DAZAP1: variants seen among roughly 807,000 people sequenced by gnomAD.
DAZAP1 encodes DAZ-associated protein 1.
In DAZAP1, 6 loss-of-function variants were observed where a neutral mutation model predicts 60.1. The ratio of observed to expected loss-of-function variants is 0.10; its 90% confidence interval spans 0.05 to 0.20. The LOEUF (loss-of-function observed/expected upper bound fraction) is 0.20, where lower values mean the gene tolerates loss of function less well. Among genes scored for constraint, DAZAP1 ranks in the 10% least tolerant of loss-of-function variants. DAZAP1 has a pLI of 1.00. For synonymous variants in DAZAP1, 235 were observed against 215.9 expected, an observed-to-expected ratio of 1.09 and a Z score of -0.78; for missense variants, 366 against 560.4, an observed-to-expected ratio of 0.65 and a Z score of 3.50.
At chr19:1,431,053 T>G (rs886117605) in intron 10 of DAZAP1, among the ~76,000 whole-genome samples, 2 of 151,940 alleles carry the variant, frequency 1.3e-5, no homozygotes, top group African/African-American at 4.8e-5. Context: ...AATTTTCCTG[T>G]ACACGTCACT....
chr19:1,423,161 G>A lies in DAZAP1; in HGVS notation c.463+765G>A, dbSNP rs556868939. Among the ~76,000 whole-genome samples, 57 of 152,328 alleles carry A rather than the reference G, an allele frequency of 3.7e-4. No individual in the cohort carries two copies. Among genetic ancestry groups the A allele is most frequent in the African/African-American group, 1.2e-3 (50 of 41,586 alleles). ...CCCGCACCACCGGCCCAGGTCAGTC[G>A]GGGCAGCCCCGAGCGCCAGGTGGCG... On this transcript the variant is annotated intron_variant, in intron 6 of 11. Coordinates refer to ENST00000233078, the MANE Select transcript of DAZAP1 (RefSeq NM_018959.4). The surrounding 1 kb of genome is among the most constrained non-coding windows in gnomAD (Gnocchi z 6.8).
chr19:1,434,716 T>C lies in DAZAP1; in HGVS notation c.1049-21T>C, dbSNP rs2083551845. 6.2e-7 allele frequency: 1 copy of C among 1,608,812 alleles called. No homozygotes were observed. Among genetic ancestry groups the C allele is most frequent in the South Asian group, 1.1e-5 (1 of 90,854 alleles). On this transcript the variant is annotated intron_variant, in intron 11 of 11. Coordinates refer to ENST00000233078, the MANE Select transcript of DAZAP1 (RefSeq NM_018959.4). The surrounding 1 kb of genome is among the most constrained non-coding windows in gnomAD (Gnocchi z 8.0). Reference sequence around the variant, plus strand: ...CAACCGCCCAGGGACCGCCCCGAGCTCACAGGACTTTCTCCCCCAGCAGGT... The same window carrying C: ...CAACCGCCCAGGGACCGCCCCGAGCCCACAGGACTTTCTCCCCCAGCAGGT...
In DAZAP1 at chr19:1,430,255, C is replaced by T. The variant is rs1370012067; in HGVS notation, c.764C>T (p.Ala255Val). Residue 255 changes from alanine to valine, a missense_variant, in exon 10 of 12, where the codon GCC (alanine) becomes GTC (valine). This residue lies in a region of DAZAP1 where 240 missense variants were observed against 308.8 expected (regional missense o/e 0.78). Transcript: ENST00000233078. ...GYGPPPAGRGAPPPPPPFTSY... is the reference protein window; with the variant it reads ...GYGPPPAGRGVPPPPPPFTSY... ...GGACCGCCCCCTGCAGGAAGAGGAG[C>T]CCCCCCGCCACCCCCACCGTTCACC... 11 of 925,592 alleles carry T rather than the reference C, an allele frequency of 1.2e-5. No individual in the cohort carries two copies. Among genetic ancestry groups the T allele is most frequent in the African/African-American group, 1.7e-5 (1 of 59,454 alleles). The allele number at this position is 925,592 out of a possible 1,614,324, so 57.3% of individuals were successfully genotyped here. A position where few individuals can be genotyped will look rare whatever the true frequency, so the allele number is the denominator to read the frequency against.
chr19:1,429,675 C>T (rs2083393505), intron 8 of DAZAP1, among the ~76,000 whole-genome samples: 1 of 152,234 alleles, frequency 6.6e-6, no homozygotes, highest in African/African-American at 2.4e-5. Flanking sequence ...TCTCAGGTTT[C>T]TCTGGGGTCC....
intron 1 of DAZAP1, among the ~76,000 whole-genome samples, chr19:1,410,609 G>A (rs1050149476): frequency 2.6e-5 from 4 of 152,230 alleles, no homozygotes; most frequent in African/African-American, 9.6e-5. Flanking sequence ...CGCGGCCGGG[G>A]TCGCCACATC....
rs1026636813 is a variant in DAZAP1, at chr19:1,414,363, C to T, written c.30-3137C>T. Among the ~76,000 whole-genome samples, 10 of 152,142 alleles carry T rather than the reference C, an allele frequency of 6.6e-5. No individual in the cohort carries two copies. In the East Asian group the frequency reaches 1.9e-3, roughly 29 times the overall value. On this transcript the variant is annotated intron_variant, in intron 1 of 11. Coordinates refer to ENST00000233078, the MANE Select transcript of DAZAP1 (RefSeq NM_018959.4). ...GAAATATTTGAGAGTAGCTGGAGAC[C>T]GATGCAGTCCCCTTTATGTGTACAC... is the stretch of plus-strand genomic sequence containing the variant.
In DAZAP1 at chr19:1,432,286, C is replaced by A; in HGVS notation, c.872-228C>A. The A allele has an allele frequency of 1.8e-6, 1 of 566,010 alleles. No individual in the cohort carries two copies. Among genetic ancestry groups the A allele is most frequent in the Admixed American group, 3.3e-5 (1 of 30,290 alleles). 35.1% of individuals were successfully genotyped at this position (566,010 alleles called of 1,614,324 possible). A position where few individuals can be genotyped will look rare whatever the true frequency, so the allele number is the denominator to read the frequency against. On this transcript the variant is annotated intron_variant, in intron 10 of 11. Coordinates refer to ENST00000233078, the MANE Select transcript of DAZAP1 (RefSeq NM_018959.4). The surrounding 1 kb of genome is among the most constrained non-coding windows in gnomAD (Gnocchi z 4.9). ...CGTGAGGAACGAGGTGGCCCTGCTGCAGCTCAGCATCCCGCCACGCTCCCA... is the reference window on the plus strand; with the variant it reads ...CGTGAGGAACGAGGTGGCCCTGCTGAAGCTCAGCATCCCGCCACGCTCCCA...
At chr19:1,408,195 G>A (rs1353652445) in intron 1 of DAZAP1, among the ~76,000 whole-genome samples, 2 of 152,140 alleles carry the variant, frequency 1.3e-5, no homozygotes, top group East Asian at 1.9e-4. Context: ...GGAGCCAGAG[G>A]GGTTCAGGGG....
intron 1 of DAZAP1, among the ~76,000 whole-genome samples, chr19:1,414,165 G>A (rs1294814355): frequency 3.3e-5 from 5 of 151,560 alleles, no homozygotes; most frequent in Non-Finnish European, 7.4e-5. Flanking sequence ...TTACAGGTGC[G>A]CACCACCGAG....
Position 1,430,270 on chromosome 19 carries a change from C to T in DAZAP1, c.779C>T (p.Pro260Leu). The change falls in exon 10 of 12, where the codon CCA becomes CTA. Residue 260 changes from proline (P) to leucine (L), a missense_variant. This residue lies in a region of DAZAP1 where 240 missense variants were observed against 308.8 expected (regional missense o/e 0.78). Coordinates refer to ENST00000233078, the MANE Select transcript of DAZAP1 (RefSeq NM_018959.4). ...PAGRGAPPPPPPFTSYIVSTP... is the reference protein window; with the variant it reads ...PAGRGAPPPPLPFTSYIVSTP... The stretch of plus-strand genomic sequence containing the variant: ...GGAAGAGGAGCCCCCCCGCCACCCC[C>T]ACCGTTCACCTCCTACATCGTGTCC... 7.3e-7 allele frequency: 1 copy of T among 1,368,654 alleles called. No homozygotes were observed. Among genetic ancestry groups the T allele is most frequent in the Non-Finnish European group, 1.0e-6 (1 of 979,208 alleles). The allele number at this position is 1,368,654 out of a possible 1,614,324, so 84.8% of individuals were successfully genotyped here.
At chr19:1,420,075 C>T (rs1215565170) in intron 4 of DAZAP1, among the ~76,000 whole-genome samples, 4 of 105,442 alleles carry the variant, frequency 3.8e-5, no homozygotes, top group Non-Finnish European at 7.4e-5. Context: ...ACCATCCCTA[C>T]AGTCACGGCA....
chr19:1,425,850 C>T lies in DAZAP1; in HGVS notation c.464-28C>T. On this transcript the variant is annotated intron_variant, in intron 6 of 11. Transcript: ENST00000233078. This position sits in a 1 kb window ranked among gnomAD's most constrained non-coding sequence, Gnocchi z 5.4. ...TGTTTTGTGTCACAACACCCTGCTACCTTGATTCACTCTTCGTCGTTGGCT... is the reference window on the plus strand; with the variant it reads ...TGTTTTGTGTCACAACACCCTGCTATCTTGATTCACTCTTCGTCGTTGGCT... 6.7e-7 allele frequency: 1 copy of T among 1,494,642 alleles called. No individual in the cohort carries two copies. Among genetic ancestry groups the T allele is most frequent in the Non-Finnish European group, 9.3e-7 (1 of 1,071,276 alleles). The allele number at this position is 1,494,642 out of a possible 1,614,324, so 92.6% of individuals were successfully genotyped here. A position where few individuals can be genotyped will look rare whatever the true frequency, so the allele number is the denominator to read the frequency against.
At chr19:1,415,041 A>G (rs948955697) in intron 1 of DAZAP1, among the ~76,000 whole-genome samples, 5 of 152,084 alleles carry the variant, frequency 3.3e-5, no homozygotes, top group African/African-American at 7.2e-5. Flanking sequence ...TGCTGTGATT[A>G]TAGGCGTGAT....
chr19:1,415,351 TTATGTGTGTG>T (rs1321705812), intron 1 of DAZAP1, among the ~76,000 whole-genome samples: 5 of 69,942 alleles, frequency 7.1e-5, no homozygotes, highest in Admixed American at 4.3e-4. Context: ...TTTCAGGGTT[TTATGTGTGTG>T]TGTGTGTGTG....
chr19:1,418,081 A>C lies in DAZAP1; in HGVS notation c.71-123A>C. ...CGCTTCCCGTACACCCCCCACCCCCAGTGCAGCATCGCTCGGTGCGTGGCT... is the reference window on the plus strand; with the variant it reads ...CGCTTCCCGTACACCCCCCACCCCCCGTGCAGCATCGCTCGGTGCGTGGCT... On this transcript the variant is annotated intron_variant, in intron 2 of 11. Coordinates refer to ENST00000233078, the MANE Select transcript of DAZAP1 (RefSeq NM_018959.4). The surrounding 1 kb of genome is among the most constrained non-coding windows in gnomAD (Gnocchi z 5.7). 1.1e-6 allele frequency: 1 copy of C among 949,070 alleles called. No individual in the cohort carries two copies. The highest frequency in any genetic ancestry group is 1.6e-6 in the Non-Finnish European group (1 of 623,522). 58.8% of individuals were successfully genotyped at this position (949,070 alleles called of 1,614,324 possible).
At chr19:1,414,298 G>A (rs1318173322) in intron 1 of DAZAP1, among the ~76,000 whole-genome samples, 1 of 152,096 alleles carries the variant, frequency 6.6e-6, no homozygotes, top group Non-Finnish European at 1.5e-5. Flanking sequence ...GATTACAGGC[G>A]TGAGCCAGTG....
At position 1,416,379 on chromosome 19, in the gene DAZAP1, G is replaced by A. The variant is rs2082986125; in HGVS notation, c.30-1121G>A. The A allele has an allele frequency of 6.6e-6, 1 of 152,316 alleles. No individual in the cohort carries two copies. Among genetic ancestry groups the A allele is most frequent in the Admixed American group, 6.5e-5 (1 of 15,288 alleles). The allele number at this position is 152,316 out of a possible 1,614,324, so 9.4% of individuals were successfully genotyped here. On this transcript the variant is annotated intron_variant, in intron 1 of 11. Coordinates refer to ENST00000233078, the MANE Select transcript of DAZAP1 (RefSeq NM_018959.4). The surrounding 1 kb of genome is among the most constrained non-coding windows in gnomAD (Gnocchi z 4.3). ...GTTTTGCTCTCTGGAGACCAAGGGT[G>A]ATGATGGTGCTGGCACTGAGTCACA...
intron 4 of DAZAP1, among the ~76,000 whole-genome samples, chr19:1,419,281 G>A (rs1465022921): frequency 1.3e-5 from 2 of 152,176 alleles, no homozygotes; most frequent in African/African-American, 4.8e-5. Flanking sequence ...TTCTCACACC[G>A]GCACCAGGAG....
intron 7 of DAZAP1, chr19:1,427,473 C>T (rs2083334732): frequency 6.6e-6 from 1 of 152,282 alleles, no homozygotes; most frequent in Admixed American, 6.5e-5. Flanking sequence ...CGCCGCCGGC[C>T]CCTCATGGGG....
Sources: gnomAD v4.1 joint callset for allele counts (sites outside exome capture counted in the v4.1 genomes callset) on GRCh38, gnomAD v4.1.1 for gene constraint, gnomAD v4.1.1 regional missense constraint, Gnocchi (gnomAD v3.1) non-coding constraint, MANE v1.5 for transcripts, NCBI Gene and HGNC (gene_info 2026-07-23, HGNC 2026-07-21) for gene names.